Variants in PRXL2B observed in about 807,000 individuals in gnomAD.
The protein encoded by PRXL2B is prostamide/prostaglandin F synthase.
In PRXL2B, 26 loss-of-function variants were observed where a neutral mutation model predicts 24.4. The observed-to-expected ratio is 1.07, with a 90% CI of 0.78 to 1.48. PRXL2B has a LOEUF of 1.48. Among genes scored for constraint, PRXL2B ranks in the 40% most tolerant of loss-of-function variants. The pLI is 0.00. For missense variants in PRXL2B, 269 were observed against 264.8 expected, an observed-to-expected ratio of 1.02 and a Z score of -0.11; for synonymous variants, 115 against 118.9, an observed-to-expected ratio of 0.97 and a Z score of 0.21.
At chr1:2,586,639 A>G (rs1644520980), upstream of PRXL2B, 3 of 910,380 alleles carry the variant, frequency 3.3e-6, no homozygotes, top group South Asian at 5.3e-5. Context: ...GAGGGGGCGG[A>G]GCAGGGCTCG....
intron 6 of PRXL2B, 29 bp downstream of exon 6, chr1:2,589,069 C>T (rs1351822480): frequency 1.3e-6 from 2 of 1,596,424 alleles, no homozygotes; most frequent in South Asian, 1.1e-5. Flanking sequence ...GCGCTGCCTG[C>T]CAGCCCACGC....
At chr1:2,588,741 T>C (rs746626446) in intron 5 of PRXL2B, 116 bp downstream of exon 5, 31 of 1,282,960 alleles carry the variant, frequency 2.4e-5, no homozygotes, top group Non-Finnish European at 3.0e-5. Flanking sequence ...TCCGCCGCAA[T>C]GTGGCCTGGT....
chr1:2,589,374 G>A (rs1644620314), intron 6 of PRXL2B, 36 bp from the exon 7 acceptor site: 3 of 1,610,718 alleles, frequency 1.9e-6, no homozygotes, highest in Admixed American at 1.7e-5. Flanking sequence ...CTGATCCAGT[G>A]TCCAGCGGCC....
chr1:2,589,714 C>T lies in PRXL2B; in HGVS notation c.*287C>T. 1 of 556,440 alleles carries T rather than the reference C, an allele frequency of 1.8e-6. No homozygotes were observed. Among genetic ancestry groups the T allele is most frequent in the Non-Finnish European group, 3.2e-6 (1 of 312,470 alleles). The allele number at this position is 556,440 out of a possible 1,614,324, so 34.5% of individuals were successfully genotyped here. A position where few individuals can be genotyped will look rare whatever the true frequency, so the allele number is the denominator to read the frequency against. On this transcript the variant is annotated 3_prime_UTR_variant, in exon 7 of 7. Coordinates refer to ENST00000419916, the MANE Select transcript of PRXL2B (RefSeq NM_152371.5). ...TGTCATCTTCCTGCTCTGCGACTTTCTCTGGAGACCTTGGGCCTTTGGCCT... is the reference window on the plus strand; with the variant it reads ...TGTCATCTTCCTGCTCTGCGACTTTTTCTGGAGACCTTGGGCCTTTGGCCT...
rs778580610 is a variant in PRXL2B, at chr1:2,591,031, C to T, written c.*1604C>T. The T allele has an allele frequency of 1.2e-6, 2 of 1,606,002 alleles. No individual in the cohort carries two copies. The highest frequency in any genetic ancestry group is 1.7e-6 in the Non-Finnish European group (2 of 1,177,184). On this transcript the variant is annotated 3_prime_UTR_variant, in exon 7 of 7. Transcript: ENST00000419916. ...CGCTCCTTGGGGTGCATGGGGGTGC[C>T]CCGGGCACAGTGGAACGTGTCTGCG...
chr1:2,589,294 G>A, intron 6 of PRXL2B, 116 bp from the exon 7 acceptor site: 1 of 1,452,692 alleles, frequency 6.9e-7, no homozygotes, highest in Non-Finnish European at 9.4e-7. Context: ...TGGGGTGGCG[G>A]GCAGAGAGGC....
chr1:2,587,154 G>C lies in PRXL2B; in HGVS notation c.127G>C (p.Gly43Arg), dbSNP rs868467311. 7 of 1,546,860 alleles carry C rather than the reference G, an allele frequency of 4.5e-6. No individual in the cohort carries two copies. Among genetic ancestry groups the C allele is most frequent in the South Asian group, 1.2e-5 (1 of 84,946 alleles). Reference sequence around the variant, plus strand: ...CGTGGTGGCCGGGCTGCGGCGCTTCGGGTGCGTGGTGTGCCGCTGGATCGC... The same window carrying C: ...CGTGGTGGCCGGGCTGCGGCGCTTCCGGTGCGTGGTGTGCCGCTGGATCGC... ...ACVVAGLRRF[G>R]CVVCRWIAQD... The change falls in exon 2 of 7, where the codon GGG becomes CGG. Residue 43 changes from glycine to arginine, a missense_variant. Physicochemically the swap from Gly to Arg is moderately radical, Grantham distance 125. Transcript: ENST00000419916. This position sits in a 1 kb window ranked among gnomAD's most constrained non-coding sequence, Gnocchi z 6.1.
In PRXL2B at chr1:2,587,792, G is replaced by C. The variant is rs751294709; in HGVS notation, c.320G>C (p.Arg107Pro). The C allele has an allele frequency of 6.2e-7, 1 of 1,600,548 alleles. No homozygotes were observed. Among genetic ancestry groups the C allele is most frequent in the Non-Finnish European group, 8.5e-7 (1 of 1,174,026 alleles). The change falls in exon 3 of 7, where the codon CGG becomes CCG. Residue 107 changes from arginine (R) to proline (P), a missense_variant and splice_region_variant. Arg to Pro is a moderately radical substitution (Grantham distance 103, BLOSUM62 -2). Transcript: ENST00000419916. This position sits in a 1 kb window ranked among gnomAD's most constrained non-coding sequence, Gnocchi z 6.1. ...CTTTACAAGGAGCTAGGCTTCAAGC[G>C]GTGAGTGGGGGCGGGAACCCTTGGG... ...KQLYKELGFK[R>P]YNSLSILPAA...
In PRXL2B at chr1:2,588,994, AG is replaced by A; in HGVS notation, c.535del (p.Val179SerfsTer38). 2 of 1,613,284 alleles carry A rather than the reference AG, an allele frequency of 1.2e-6. No individual in the cohort carries two copies. The highest frequency in any genetic ancestry group is 1.7e-6 in the Non-Finnish European group (2 of 1,179,978). ...GDYVPKEHIL[Q>X]VLGISAEVCA... ...TACGTCCCCAAGGAGCACATCCTGCAGGTCCTGGGCATCTCTGCGGAGGTCT... is the reference window on the plus strand; with the variant it reads ...TACGTCCCCAAGGAGCACATCCTGCAGTCCTGGGCATCTCTGCGGAGGTCT... On this transcript the variant is annotated frameshift_variant, in exon 6 of 7. Coordinates refer to ENST00000419916, the MANE Select transcript of PRXL2B (RefSeq NM_152371.5). LOFTEE classifies it high-confidence loss of function.
chr1:2,587,293 G>A lies in PRXL2B; in HGVS notation c.266G>A (p.Gly89Glu). The A allele has an allele frequency of 6.4e-7, 1 of 1,563,686 alleles. No homozygotes were observed. Residue 89 changes from glycine (G) to glutamate (E), a missense_variant and splice_region_variant, in exon 2 of 7, where the codon GGA becomes GAA. Transcript: ENST00000419916. The surrounding 1 kb of genome is among the most constrained non-coding windows in gnomAD (Gnocchi z 6.1). ...TTCCTGGACGGCGACTACTTCGCGG[G>A]AGGTGCGTCCTGTTCCCCGCCGCGG... Reference protein sequence around the residue: ...QEFLDGDYFAGELYLDESKQL... With the variant: ...QEFLDGDYFAEELYLDESKQL...
Position 2,589,398 on chromosome 1 carries a change from C to T in PRXL2B, c.580-12C>T, listed in dbSNP as rs1429190066. ...TGTCCAGCGGCCCCATGGGACCCTG[C>T]TGTCCCCACAGTGTGACAGAGAGGT... is the stretch of plus-strand genomic sequence containing the variant. On this transcript the variant is annotated splice_polypyrimidine_tract_variant and intron_variant, in intron 6 of 6. Coordinates refer to ENST00000419916, the MANE Select transcript of PRXL2B (RefSeq NM_152371.5). 4.3e-6 allele frequency: 7 copies of T among 1,613,150 alleles called. No homozygotes were observed. Among genetic ancestry groups the T allele is most frequent in the Non-Finnish European group, 5.1e-6 (6 of 1,179,656 alleles).
rs1644555699 is a variant in PRXL2B at position 2,587,543 on chromosome 1, C to G, written c.269-198C>G. Among the ~76,000 whole-genome samples the G allele has an allele frequency of 6.6e-6, 1 of 152,126 alleles. No individual in the cohort carries two copies. The highest frequency in any genetic ancestry group is 1.5e-5 in the Non-Finnish European group (1 of 68,008). ...GCCCCGCCGGCTCCACCTGTTGCCT[C>G]TGGGACTCAGCCCCTCTTCTGAGGG... On this transcript the variant is annotated intron_variant, in intron 2 of 6. Transcript: ENST00000419916. This position sits in a 1 kb window ranked among gnomAD's most constrained non-coding sequence, Gnocchi z 6.1.
In PRXL2B at chr1:2,589,405, C is replaced by T; in HGVS notation, c.580-5C>T. On this transcript the variant is annotated splice_polypyrimidine_tract_variant and splice_region_variant and intron_variant, in intron 6 of 6. Transcript: ENST00000419916. ...CGGCCCCATGGGACCCTGCTGTCCC[C>T]ACAGTGTGACAGAGAGGTGTGAGGG... The T allele has an allele frequency of 6.2e-7, 1 of 1,613,526 alleles. No individual in the cohort carries two copies. The highest frequency in any genetic ancestry group is 8.5e-7 in the Non-Finnish European group (1 of 1,179,790).
At position 2,589,707 on chromosome 1, in the gene PRXL2B, C is replaced by T. The variant is rs954293025; in HGVS notation, c.*280C>T. ...TCCCAGGTGTCATCTTCCTGCTCTGCGACTTTCTCTGGAGACCTTGGGCCT... is the reference window on the plus strand; with the variant it reads ...TCCCAGGTGTCATCTTCCTGCTCTGTGACTTTCTCTGGAGACCTTGGGCCT... On this transcript the variant is annotated 3_prime_UTR_variant, in exon 7 of 7. Coordinates refer to ENST00000419916, the MANE Select transcript of PRXL2B (RefSeq NM_152371.5). 2.3e-5 allele frequency: 13 copies of T among 560,762 alleles called. No individual in the cohort carries two copies. Among genetic ancestry groups the T allele is most frequent in the African/African-American group, 1.1e-4 (6 of 52,518 alleles). 34.7% of individuals were successfully genotyped at this position (560,762 alleles called of 1,614,324 possible). A position where few individuals can be genotyped will look rare whatever the true frequency, so the allele number is the denominator to read the frequency against.
chr1:2,587,850 C>G lies in PRXL2B; in HGVS notation c.320+58C>G. ...GGGTGGGGGGCCCAGGGGTTCCCAC[C>G]GCTCCCTGCCACCTCCTCTCCCTGC... On this transcript the variant is annotated intron_variant, in intron 3 of 6. Transcript: ENST00000419916. This position sits in a 1 kb window ranked among gnomAD's most constrained non-coding sequence, Gnocchi z 6.1. 6.5e-7 allele frequency: 1 copy of G among 1,535,152 alleles called. No homozygotes were observed.
In PRXL2B at chr1:2,587,598, C is replaced by A; in HGVS notation, c.269-143C>A. 1 of 1,007,748 alleles carries A rather than the reference C, an allele frequency of 9.9e-7. No homozygotes were observed. The highest frequency in any genetic ancestry group is 1.5e-6 in the Non-Finnish European group (1 of 659,964). 62.4% of individuals were successfully genotyped at this position (1,007,748 alleles called of 1,614,324 possible). The stretch of plus-strand genomic sequence containing the variant: ...GGGGACACTCAGCCCCGTTTTACCC[C>A]TCCCTGCCCTGCGGGGGTGGGCTGA... On this transcript the variant is annotated intron_variant, in intron 2 of 6. Transcript: ENST00000419916. This position sits in a 1 kb window ranked among gnomAD's most constrained non-coding sequence, Gnocchi z 6.1.
In PRXL2B at chr1:2,591,055, C is replaced by T. The variant is rs768660642; in HGVS notation, c.*1628C>T. On this transcript the variant is annotated 3_prime_UTR_variant, in exon 7 of 7. Transcript: ENST00000419916. ...CCCCGGGCACAGTGGAACGTGTCTG[C>T]GAAGGCGGCCAGGTTCTGCAGCGAC... The T allele has an allele frequency of 2.1e-5, 34 of 1,605,682 alleles. No homozygotes were observed. The highest frequency in any genetic ancestry group is 4.5e-5 in the South Asian group (4 of 89,408).
intron 3 of PRXL2B, 34 bp from the exon 4 acceptor site, chr1:2,588,356 C>G: frequency 6.2e-7 from 1 of 1,614,042 alleles, no homozygotes; most frequent in Non-Finnish European, 8.5e-7. Context: ...CAGGCTTCTC[C>G]GGAGTTTGGC....
chr1:2,588,551 C>G lies in PRXL2B; in HGVS notation c.386C>G (p.Ala129Gly). Reference sequence around the variant, plus strand: ...TCAGGCTGTACCCACTCCTGACAGGCCAAGGCTGTTGGCATCCAGGGGAAC... The same window carrying G: ...TCAGGCTGTACCCACTCCTGACAGGGCAAGGCTGTTGGCATCCAGGGGAAC... Reference protein sequence around the residue: ...GKPVRDVAAKAKAVGIQGNLS... With the variant: ...GKPVRDVAAKGKAVGIQGNLS... The change falls in exon 5 of 7, where the codon GCC becomes GGC. Residue 129 changes from alanine (A) to glycine (G), a missense_variant and splice_region_variant. Transcript: ENST00000419916. The G allele has an allele frequency of 6.2e-7, 1 of 1,614,142 alleles. No homozygotes were observed.
Sources: gnomAD v4.1 joint callset for allele counts (sites outside exome capture counted in the v4.1 genomes callset) on GRCh38, gnomAD v4.1.1 for gene constraint, Gnocchi (gnomAD v3.1) non-coding constraint, MANE v1.5 for transcripts, NCBI Gene and HGNC (gene_info 2026-07-23, HGNC 2026-07-21) for gene names.